The following LINGO2 variants were observed in gnomAD, a reference collection of about 807,000 sequenced individuals.
The protein encoded by LINGO2 is leucine rich repeat and Ig domain containing 2.
In LINGO2, 14 loss-of-function variants were observed where a neutral mutation model predicts 30.6. The observed-to-expected ratio is 0.46, with a 90% CI of 0.30 to 0.72. The LOEUF is 0.72. LINGO2 is among the 30% of genes least tolerant of loss of function. The probability of loss-of-function intolerance (pLI) is 0.07; values close to 1 mark genes in which losing one functional copy is unlikely to be tolerated. For missense variants in LINGO2, 729 were observed against 751.7 expected (o/e 0.97, Z 0.35); for synonymous variants, 317 against 288.5 (o/e 1.10, Z -1.00).
intron 3 of LINGO2, among the ~76,000 whole-genome samples, chr9:28,334,486 G>A (rs114338155): frequency 6.6e-6 from 1 of 152,134 alleles, no homozygotes; most frequent in African/African-American, 2.4e-5. Flanking sequence ...TTAACTCTGT[G>A]ACTGCTTTTT....
the LINGO2 span, among the ~76,000 whole-genome samples, chr9:28,837,340 A>G: frequency 2.0e-5 from 3 of 151,526 alleles, no homozygotes; most frequent in Non-Finnish European, 4.4e-5. Flanking sequence ...ATTAGAGCAA[A>G]GTAACTATTA....
downstream of LINGO2, among the ~76,000 whole-genome samples, chr9:27,945,981 C>G (rs13362909): frequency 6.6e-6 from 1 of 151,948 alleles, no homozygotes; most frequent in African/African-American, 2.4e-5. Flanking sequence ...GGTAGTCTAT[C>G]GGAGGCCAAT....
chr9:28,802,366 AG>A, the LINGO2 span, among the ~76,000 whole-genome samples: 1 of 152,094 alleles, frequency 6.6e-6, no homozygotes, highest in Non-Finnish European at 1.5e-5. Context: ...AATGGATAGA[AG>A]AAAAATCTTT....
At position 28,003,338 on chromosome 9, in the gene LINGO2, G is replaced by GAT. The variant is rs147286017; in HGVS notation, c.-36+9015_-36+9016dup. On this transcript the variant is annotated intron_variant, in intron 5 of 5. Transcript: ENST00000379992. ...TTTTTGTTAACCATATAGATATATA[G>GAT]ATATATAGATAGATAGATAGATAGA... Among the ~76,000 whole-genome samples the GAT allele has an allele frequency of 7.5e-5, 10 of 133,882 alleles. No homozygotes were observed. The East Asian group carries it at 8.4e-4, about 11-fold the overall frequency. 87.8% of individuals were successfully genotyped at this position (133,882 alleles called of 152,430 possible). A position where few individuals can be genotyped will look rare whatever the true frequency, so the allele number is the denominator to read the frequency against.
chr9:28,242,651 C>T (rs1297132051), intron 4 of LINGO2, among the ~76,000 whole-genome samples: 1 of 152,082 alleles, frequency 6.6e-6, no homozygotes, highest in Non-Finnish European at 1.5e-5. Flanking sequence ...ATGAGAAGAT[C>T]AACCCCAAGA....
the LINGO2 span, among the ~76,000 whole-genome samples, chr9:28,735,690 G>T: frequency 6.6e-6 from 1 of 151,762 alleles, no homozygotes; most frequent in African/African-American, 2.4e-5. Flanking sequence ...CACATTGTTG[G>T]AAAAATCTAT....
At chr9:28,058,667 A>G (rs1244193175) in intron 4 of LINGO2, among the ~76,000 whole-genome samples, 1 of 152,144 alleles carries the variant, frequency 6.6e-6, no homozygotes, top group Admixed American at 6.5e-5. Flanking sequence ...TATTATAAAC[A>G]TTCAGCCAAT....
chr9:28,480,883 A>G (rs967819659), intron 1 of LINGO2, among the ~76,000 whole-genome samples: 1 of 152,066 alleles, frequency 6.6e-6, no homozygotes, highest in South Asian at 2.1e-4. Context: ...CTCTATTTCT[A>G]TGGCTCCAAC....
chr9:29,042,518 T>C, the LINGO2 span, among the ~76,000 whole-genome samples: 1 of 151,988 alleles, frequency 6.6e-6, no homozygotes, highest in Non-Finnish European at 1.5e-5. Flanking sequence ...CAATTAAAAA[T>C]GAATAAAATA....
chr9:28,567,896 G>T (rs1749197878), intron 1 of LINGO2, among the ~76,000 whole-genome samples: 1 of 151,930 alleles, frequency 6.6e-6, no homozygotes, highest in African/African-American at 2.4e-5. Flanking sequence ...CCCTCCTCAT[G>T]CAGTTCTTAC....
chr9:27,950,262 C>G (rs376010557), exon 6 of LINGO2: 1 of 1,614,084 alleles, frequency 6.2e-7, no homozygotes, highest in Non-Finnish European at 8.5e-7. Flanking sequence ...CTTATTCTCA[C>G]TAATGTCAAG....
intron 1 of LINGO2, among the ~76,000 whole-genome samples, chr9:28,481,192 G>A (rs747720661): frequency 2.0e-5 from 3 of 152,094 alleles, no homozygotes; most frequent in Non-Finnish European, 4.4e-5. Flanking sequence ...TAATGCAAAA[G>A]TGTATTGCAA....
chr9:29,151,342 T>C, the LINGO2 span, among the ~76,000 whole-genome samples: 1 of 152,040 alleles, frequency 6.6e-6, no homozygotes, highest in Admixed American at 6.5e-5. Context: ...AAAGCAACTA[T>C]AAAATAAAGT....
chr9:29,097,420 T>C, the LINGO2 span, among the ~76,000 whole-genome samples: 2 of 138,454 alleles, frequency 1.4e-5, 1 homozygote, highest in South Asian at 4.5e-4. Context: ...CCTTAAAAAT[T>C]TATGCCCTTT....
Position 28,334,985 on chromosome 9 carries a change from G to T in LINGO2, c.-246+37851C>A, listed in dbSNP as rs781519075. Among the ~76,000 whole-genome samples, 4 of 152,056 alleles carry T rather than the reference G, an allele frequency of 2.6e-5. No homozygotes were observed. In the East Asian group the frequency reaches 7.7e-4, roughly 29 times the overall value. ...GCTAGGCCAGTGAGATAGAGGCCAG[G>T]GTTAGAAATTAAGTTACTTTAGAGA... On this transcript the variant is annotated intron_variant, in intron 3 of 5. Coordinates refer to ENST00000379992, the Ensembl canonical transcript of LINGO2.
At chr9:28,438,291 T>C (rs1411319346) in intron 2 of LINGO2, among the ~76,000 whole-genome samples, 1 of 152,168 alleles carries the variant, frequency 6.6e-6, no homozygotes, top group Admixed American at 6.5e-5. Flanking sequence ...AGATTTGCAT[T>C]TAAATCAGCA....
At chr9:28,488,226 T>C (rs933985164) in intron 1 of LINGO2, among the ~76,000 whole-genome samples, 5 of 152,174 alleles carry the variant, frequency 3.3e-5, no homozygotes, top group African/African-American at 9.6e-5. Context: ...TGCTTTTTAA[T>C]GTTTGGCAAA....
chr9:28,671,763 C>T (rs910676369), upstream of LINGO2, among the ~76,000 whole-genome samples: 1 of 151,868 alleles, frequency 6.6e-6, no homozygotes, highest in Non-Finnish European at 1.5e-5. Flanking sequence ...CAAACCTGAA[C>T]GTGTACCCCA....
At chr9:28,544,490 A>G (rs1821844489) in intron 1 of LINGO2, among the ~76,000 whole-genome samples, 1 of 152,030 alleles carries the variant, frequency 6.6e-6, no homozygotes, top group Non-Finnish European at 1.5e-5. Flanking sequence ...TTACTCACTC[A>G]TGTTCATGAC....
Sources: gnomAD v4.1 joint callset for allele counts (sites outside exome capture counted in the v4.1 genomes callset) on GRCh38, gnomAD v4.1.1 for gene constraint, MANE v1.5 for transcripts, NCBI Gene and HGNC (gene_info 2026-07-23, HGNC 2026-07-21) for gene names.